The following APBA2 variants were observed in gnomAD, a reference collection of about 807,000 sequenced individuals.
APBA2 encodes amyloid-beta A4 precursor protein-binding family A member 2.
A neutral mutation model predicts 75.0 loss-of-function variants in APBA2; 30 were observed. That is an observed-to-expected ratio of 0.40 (90% CI 0.30 to 0.54). The LOEUF is 0.54. Ranked by LOEUF, APBA2 falls within the 20% of genes least tolerant of loss-of-function variation. The pLI is 0.49. For synonymous variants in APBA2, 444 were observed against 409.6 expected (o/e 1.08, Z -1.01); for missense variants, 801 against 1,016.1 (o/e 0.79, Z 2.88).
intron 3 of APBA2, among the ~76,000 whole-genome samples, chr15:29,041,484 GA>G (rs56701766): frequency 0.021 from 1,270 of 60,122 alleles, 11 homozygotes; most frequent in African/African-American, 0.044. Context: ...CCCTGTCTCA[GA>G]AAAAAAAAAA....
At chr15:28,915,329 C>G (rs1349229961) in intron 1 of APBA2, among the ~76,000 whole-genome samples, 1 of 25,642 alleles carries the variant, frequency 3.9e-5, no homozygotes, top group Admixed American at 4.5e-4. Context: ...ATACACATAT[C>G]CCATACACAC....
intron 3 of APBA2, among the ~76,000 whole-genome samples, chr15:29,004,392 T>G (rs2152805797): frequency 6.6e-6 from 1 of 152,284 alleles, no homozygotes; most frequent in South Asian, 2.1e-4. Context: ...CAGAAATCTA[T>G]TCCCAGCCCT....
chr15:28,972,341 A>G (rs1239977687), intron 2 of APBA2, among the ~76,000 whole-genome samples: 5 of 152,198 alleles, frequency 3.3e-5, no homozygotes, highest in Admixed American at 6.5e-5. Context: ...TAAGACCCAA[A>G]TCTACATGGA....
At chr15:29,093,045 G>T (rs1051374991) in intron 6 of APBA2, 30 bp from the exon 7 acceptor site, 2 of 1,613,802 alleles carry the variant, frequency 1.2e-6, no homozygotes, top group African/African-American at 2.7e-5. Context: ...TTCTCCTCTA[G>T]GAAGACTCTG....
chr15:29,045,693 A>G (rs2041289718), intron 3 of APBA2, among the ~76,000 whole-genome samples: 1 of 152,204 alleles, frequency 6.6e-6, no homozygotes, highest in South Asian at 2.1e-4. Flanking sequence ...AGATGCACAG[A>G]TAAAAGACTG....
At chr15:29,035,901 A>G (rs59476777) in intron 3 of APBA2, among the ~76,000 whole-genome samples, 29,123 of 152,188 alleles carry the variant, frequency 0.19, 3,691 homozygotes, top group African/African-American at 0.35. Context: ...AAAGATCTGA[A>G]GCTGAATATG....
At chr15:28,888,534 G>C (rs1309666885) in intron 1 of APBA2, among the ~76,000 whole-genome samples, 1 of 152,168 alleles carries the variant, frequency 6.6e-6, no homozygotes, top group Non-Finnish European at 1.5e-5. Flanking sequence ...TACCTGCCCC[G>C]GTGACTCAAC....
At chr15:29,105,297 G>A in intron 10 of APBA2, 82 bp from the exon 11 acceptor site, 1 of 1,435,574 alleles carries the variant, frequency 7.0e-7, no homozygotes, top group South Asian at 1.2e-5. Flanking sequence ...CCTGCACCCA[G>A]CCCTGCCGCA....
At chr15:29,038,665 A>ATTT (rs67217686) in intron 3 of APBA2, among the ~76,000 whole-genome samples, 68 of 105,454 alleles carry the variant, frequency 6.4e-4, no homozygotes, top group Non-Finnish European at 7.6e-4. Flanking sequence ...ATATGCAGGC[A>ATTT]TTTTTTTTTT....
At chr15:29,030,368 A>G (rs2152843237) in intron 3 of APBA2, among the ~76,000 whole-genome samples, 1 of 152,234 alleles carries the variant, frequency 6.6e-6, no homozygotes, top group South Asian at 2.1e-4. Context: ...AGGCTGAGGC[A>G]GGAGAATGGC....
intron 14 of APBA2, among the ~76,000 whole-genome samples, chr15:29,115,805 G>A (rs1161183025): frequency 6.6e-6 from 1 of 152,216 alleles, no homozygotes; most frequent in Non-Finnish European, 1.5e-5. Flanking sequence ...ATCCCGGCGG[G>A]GGAGGGAGGG....
intron 3 of APBA2, among the ~76,000 whole-genome samples, chr15:29,026,662 C>T (rs2040236152): frequency 6.6e-6 from 1 of 152,124 alleles, no homozygotes; most frequent in Non-Finnish European, 1.5e-5. Flanking sequence ...GCCTGTAATC[C>T]CAGCACTTTG....
intron 1 of APBA2, among the ~76,000 whole-genome samples, chr15:28,900,971 C>T (rs1484646002): frequency 6.6e-6 from 1 of 152,232 alleles, no homozygotes; most frequent in African/African-American, 2.4e-5. Context: ...CCTGGCACAG[C>T]ACCTGGAACT....
chr15:29,066,195 G>T (rs2042373392), intron 4 of APBA2, among the ~76,000 whole-genome samples: 1 of 152,056 alleles, frequency 6.6e-6, no homozygotes, highest in Admixed American at 6.6e-5. Flanking sequence ...ATATACTTGT[G>T]TTCATCTTCG....
chr15:29,002,194 A>T (rs771552180), intron 3 of APBA2, among the ~76,000 whole-genome samples: 1 of 152,216 alleles, frequency 6.6e-6, no homozygotes, highest in Non-Finnish European at 1.5e-5. Flanking sequence ...GTGTGCTGCT[A>T]GGCACATACG....
At chr15:29,064,501 G>A (rs935460404) in intron 4 of APBA2, among the ~76,000 whole-genome samples, 1 of 152,186 alleles carries the variant, frequency 6.6e-6, no homozygotes, top group Non-Finnish European at 1.5e-5. Flanking sequence ...GGCTCCAGAC[G>A]AGTTCCAGGC....
intron 3 of APBA2, among the ~76,000 whole-genome samples, chr15:29,011,383 T>A (rs2152815452): frequency 6.6e-6 from 1 of 152,314 alleles, no homozygotes; most frequent in South Asian, 2.1e-4. Context: ...AAATTTCTCC[T>A]TTGAAATGTG....
At chr15:29,025,025 G>A (rs952217667) in intron 3 of APBA2, among the ~76,000 whole-genome samples, 1 of 152,152 alleles carries the variant, frequency 6.6e-6, no homozygotes, top group African/African-American at 2.4e-5. Flanking sequence ...ACCCACCAAA[G>A]CATGTTTAGA....
At chr15:28,936,734 G>A (rs2034894868) in intron 2 of APBA2, among the ~76,000 whole-genome samples, 1 of 152,192 alleles carries the variant, frequency 6.6e-6, no homozygotes, top group Non-Finnish European at 1.5e-5. Context: ...CAGGCAGATA[G>A]ACCCCAAGTA....
Sources: gnomAD v4.1 joint callset for allele counts (sites outside exome capture counted in the v4.1 genomes callset) on GRCh38, gnomAD v4.1.1 for gene constraint, MANE v1.5 for transcripts, NCBI Gene and HGNC (gene_info 2026-07-23, HGNC 2026-07-21) for gene names.